Variants in CDC42BPA observed in about 807,000 individuals in gnomAD.
The protein encoded by CDC42BPA is CDC42 binding protein kinase alpha.
A neutral mutation model predicts 223.5 loss-of-function variants in CDC42BPA; 80 were observed. That is an observed-to-expected ratio of 0.36 (90% CI 0.30 to 0.43). The LOEUF (loss-of-function observed/expected upper bound fraction) is 0.43. Ranked by LOEUF, CDC42BPA falls within the 20% of genes least tolerant of loss-of-function variation. The probability of loss-of-function intolerance (pLI) is 1.00; values close to 1 mark genes in which losing one functional copy is unlikely to be tolerated. For missense variants in CDC42BPA, 1,743 were observed against 2,099.9 expected (o/e 0.83, Z 3.32); for synonymous variants, 694 against 718.6 (o/e 0.97, Z 0.55).
chr1:227,218,408 TAAC>T (rs1675255968), intron 2 of CDC42BPA, among the ~76,000 whole-genome samples: 2 of 152,162 alleles, frequency 1.3e-5, no homozygotes, highest in African/African-American at 2.4e-5. Context: ...TTAATAATAA[TAAC>T]AAAAAATAAC....
At chr1:227,225,563 C>T (rs2718220) in intron 2 of CDC42BPA, among the ~76,000 whole-genome samples, 126,495 of 152,164 alleles carry the variant, frequency 0.83, 52,722 homozygotes, top group African/African-American at 0.88. Context: ...GTATAAATAC[C>T]AGGAAGAAGT....
intron 10 of CDC42BPA, among the ~76,000 whole-genome samples, chr1:227,130,144 C>T (rs1255935861): frequency 1.3e-5 from 2 of 152,164 alleles, no homozygotes; most frequent in Non-Finnish European, 2.9e-5. Context: ...TACCATTTTA[C>T]ATCAGAAATG....
At chr1:227,265,163 T>C (rs559898874) in intron 1 of CDC42BPA, 26 of 700,194 alleles carry the variant, frequency 3.7e-5, no homozygotes, top group Middle Eastern at 3.6e-4. Flanking sequence ...ACTTCCACAG[T>C]GGTAGGAAGA....
intron 21 of CDC42BPA, among the ~76,000 whole-genome samples, chr1:227,053,097 A>C (rs1034168430): frequency 1.3e-5 from 2 of 152,248 alleles, no homozygotes; most frequent in Non-Finnish European, 1.5e-5. Flanking sequence ...ATGTGGCTTC[A>C]ATCTCTAAGG....
chr1:227,034,523 G>T, intron 26 of CDC42BPA, 132 bp downstream of exon 26: 1 of 793,586 alleles, frequency 1.3e-6, no homozygotes, highest in Non-Finnish European at 1.9e-6. Flanking sequence ...TGTTTCTATA[G>T]CAATATTAGC....
At chr1:227,035,413 T>C in intron 25 of CDC42BPA, 58 bp downstream of exon 25, 4 of 1,339,916 alleles carry the variant, frequency 3.0e-6, no homozygotes, top group Non-Finnish European at 4.2e-6. Flanking sequence ...CTGGATTTGA[T>C]TTTAATTCAT....
chr1:227,123,532 AAAT>A, intron 11 of CDC42BPA, among the ~76,000 whole-genome samples: 1 of 152,348 alleles, frequency 6.6e-6, no homozygotes, highest in East Asian at 1.9e-4. Context: ...CTCTTTAAAA[AAAT>A]AATAAAGTAG....
Position 227,028,980 on chromosome 1 carries a change from G to A in CDC42BPA, c.4109C>T (p.Thr1370Ile). The A allele has an allele frequency of 6.2e-7, 1 of 1,614,044 alleles. No individual in the cohort carries two copies. The highest frequency in any genetic ancestry group is 8.5e-7 in the Non-Finnish European group (1 of 1,180,018). The change falls in exon 30 of 37, where the codon ACC becomes ATC. Residue 1370 changes from threonine to isoleucine, a missense_variant. By Grantham distance (89) the Thr-to-Ile change is moderately conservative (BLOSUM62 -1). Transcript: ENST00000366766. ...VLCYELFQSK[T>I]RHRKFKEIQV... ...AATTTCTTTAAATTTTCTGTGACGG[G>A]TCTTGCTCTGAAATAGTTCATAACA...
At chr1:227,058,671 G>A (rs1485023563) in intron 21 of CDC42BPA, among the ~76,000 whole-genome samples, 2 of 152,118 alleles carry the variant, frequency 1.3e-5, no homozygotes, top group Admixed American at 6.5e-5. Context: ...TAGCACAGAG[G>A]TAGTGGCTGA....
intron 21 of CDC42BPA, among the ~76,000 whole-genome samples, chr1:227,056,679 C>T (rs140356540): frequency 8.5e-5 from 13 of 152,290 alleles, no homozygotes; most frequent in African/African-American, 3.1e-4. Flanking sequence ...GCGTGAGCTA[C>T]CATGCCTGGC....
intron 5 of CDC42BPA, among the ~76,000 whole-genome samples, chr1:227,164,384 C>T (rs1372580993): frequency 2.6e-5 from 4 of 152,158 alleles, no homozygotes; most frequent in African/African-American, 9.7e-5. Flanking sequence ...TGTGACACTT[C>T]CCATCTGTAT....
chr1:227,246,206 G>A (rs1484986286), intron 2 of CDC42BPA, among the ~76,000 whole-genome samples: 1 of 152,236 alleles, frequency 6.6e-6, no homozygotes, highest in East Asian at 1.9e-4. Context: ...GCCACAGAGA[G>A]ACGCTCCTCC....
At chr1:227,112,035 T>C (rs1456569069) in intron 14 of CDC42BPA, 3 of 259,710 alleles carry the variant, frequency 1.2e-5, no homozygotes, top group South Asian at 1.5e-4. Flanking sequence ...ATGACTCCCA[T>C]GCAGATTACC....
At chr1:227,176,731 A>G (rs1281124611) in intron 5 of CDC42BPA, among the ~76,000 whole-genome samples, 1 of 152,162 alleles carries the variant, frequency 6.6e-6, no homozygotes, top group Non-Finnish European at 1.5e-5. Context: ...TAACTAGTAT[A>G]TATTATTACA....
chr1:227,209,016 T>C (rs376343198), intron 3 of CDC42BPA, among the ~76,000 whole-genome samples: 14,612 of 151,334 alleles, frequency 0.097, 836 homozygotes, highest in Middle Eastern at 0.17. Context: ...TTTGTTTGTA[T>C]ACTCTTTTAT....
At chr1:227,094,083 G>C (rs1440494016) in intron 15 of CDC42BPA, among the ~76,000 whole-genome samples, 2 of 152,180 alleles carry the variant, frequency 1.3e-5, no homozygotes, top group Non-Finnish European at 1.5e-5. Flanking sequence ...GATCACAGCA[G>C]AGACTAGATA....
At chr1:227,156,211 C>G (rs1341696059) in intron 6 of CDC42BPA, among the ~76,000 whole-genome samples, 1 of 151,646 alleles carries the variant, frequency 6.6e-6, no homozygotes, top group Non-Finnish European at 1.5e-5. Context: ...AATGCAATGG[C>G]ACCATCACGG....
chr1:227,237,955 C>T (rs1274462714), intron 2 of CDC42BPA, among the ~76,000 whole-genome samples: 1 of 145,058 alleles, frequency 6.9e-6, no homozygotes, highest in Admixed American at 7.2e-5. Flanking sequence ...AGGAGAATTG[C>T]TTGAACCCAG....
At position 227,278,029 on chromosome 1, in the gene CDC42BPA, G is replaced by A. The variant is rs567469075; in HGVS notation, c.179-23874C>T. Among the ~76,000 whole-genome samples the A allele has an allele frequency of 7.2e-5, 11 of 152,322 alleles. No homozygotes were observed. The South Asian group carries it at 1.9e-3, about 26-fold the overall frequency. On this transcript the variant is annotated intron_variant, in intron 1 of 36. Coordinates refer to ENST00000366766, the MANE Select transcript of CDC42BPA (RefSeq NM_001394014.1). ...CTTCCTAAGTGCTGGGATTACAGGC[G>A]TGAGCCACCGCACCCAGCCACCCTT...
Sources: allele counts gnomAD v4.1 joint callset (sites outside exome capture counted in the v4.1 genomes callset), GRCh38; gene constraint gnomAD v4.1.1; transcripts MANE v1.5; gene names NCBI Gene and HGNC (gene_info 2026-07-23, HGNC 2026-07-21).